TIPIN: variants seen among roughly 807,000 people sequenced by gnomAD.
TIPIN encodes TIMELESS interacting protein.
Under a neutral mutation model 35.6 loss-of-function variants are expected in TIPIN, and 29 were observed. That is an observed-to-expected ratio of 0.82 (90% CI 0.61 to 1.11). TIPIN has a LOEUF of 1.11. Among genes scored for constraint, TIPIN ranks in the 50% most tolerant of loss-of-function variants. TIPIN has a pLI of 0.00. For missense variants in TIPIN, 296 were observed against 345.4 expected (o/e 0.86, Z 1.13); for synonymous variants, 102 against 121.5 (o/e 0.84, Z 1.06).
intron 1 of TIPIN, among the ~76,000 whole-genome samples, chr15:66,383,332 G>A (rs776624069): frequency 4.3e-4 from 65 of 149,466 alleles, no homozygotes; most frequent in Non-Finnish European, 6.7e-4. Context: ...GAGTGATCTT[G>A]GCTCACTGTA....
chr15:66,381,390 A>G (rs111621365), intron 1 of TIPIN, among the ~76,000 whole-genome samples: 12,052 of 152,130 alleles, frequency 0.079, 1,522 homozygotes, highest in African/African-American at 0.27. Flanking sequence ...GTGAGCCCCA[A>G]TTGCGCCACG....
intron 1 of TIPIN, among the ~76,000 whole-genome samples, chr15:66,370,139 C>A (rs540631571): frequency 6.6e-6 from 1 of 152,118 alleles, no homozygotes; most frequent in Non-Finnish European, 1.5e-5. Context: ...CAGCTGCCCT[C>A]GAGGAAGCTG....
In TIPIN at chr15:66,349,799, G is replaced by A. The variant is rs62627301; in HGVS notation, c.289-362C>T. On this transcript the variant is annotated intron_variant, in intron 4 of 7. Coordinates refer to ENST00000261881, the MANE Select transcript of TIPIN (RefSeq NM_017858.3). Reference sequence around the variant, plus strand: ...GGTGGCTGAGGTGAAAGGACTCCCTGAGCCTGGGGGGCAGAGGTTGCAGTG... The same window carrying A: ...GGTGGCTGAGGTGAAAGGACTCCCTAAGCCTGGGGGGCAGAGGTTGCAGTG... Among the ~76,000 whole-genome samples, 352 of 152,140 alleles carry A rather than the reference G, an allele frequency of 2.3e-3. 1 individual carries two copies. Among genetic ancestry groups the A allele is most frequent in the Middle Eastern group, 0.01 (3 of 294 alleles).
chr15:66,375,217 G>T (rs374108416), intron 1 of TIPIN, among the ~76,000 whole-genome samples: 7 of 152,110 alleles, frequency 4.6e-5, no homozygotes, highest in Admixed American at 2.0e-4. Flanking sequence ...AGTTTCAGGT[G>T]GCAGTGCACT....
intron 6 of TIPIN, among the ~76,000 whole-genome samples, chr15:66,344,468 G>A (rs1205950404): frequency 6.6e-6 from 1 of 151,496 alleles, no homozygotes; most frequent in Admixed American, 6.6e-5. Context: ...TATGAACCAA[G>A]AAAACAAAGG....
chr15:66,379,952 T>C (rs1206596742), intron 1 of TIPIN: 1 of 1,028,170 alleles, frequency 9.7e-7, no homozygotes, highest in Admixed American at 2.5e-5. Context: ...TGGAATTTAT[T>C]ATAGGATAAA....
intron 1 of TIPIN, among the ~76,000 whole-genome samples, chr15:66,372,011 T>C (rs1041162870): frequency 1.3e-5 from 2 of 152,044 alleles, no homozygotes; most frequent in African/African-American, 4.8e-5. Context: ...CCCAGGCTGG[T>C]TTTGAACTCC....
In TIPIN at chr15:66,352,831, T is replaced by G; in HGVS notation, c.117A>C (p.Gly39=). The part of the protein sequence containing the change: ...PASPERQDGE[G]TEPDEESGNG... ...TATACATACCTTCATCAGGCTCAGTTCCTTCACCATCTTGTCTCTCTGGAG... is the reference window on the plus strand; with the variant it reads ...TATACATACCTTCATCAGGCTCAGTGCCTTCACCATCTTGTCTCTCTGGAG... The change falls in exon 2 of 8, where the codon GGA becomes GGC. Residue 39 remains glycine (G), a synonymous_variant. Transcript: ENST00000261881. The G allele has an allele frequency of 6.2e-7, 1 of 1,612,738 alleles. No individual in the cohort carries two copies. The highest frequency in any genetic ancestry group is 8.5e-7 in the Non-Finnish European group (1 of 1,179,832).
chr15:66,343,047 G>T (rs542111870), intron 6 of TIPIN, among the ~76,000 whole-genome samples: 45 of 152,268 alleles, frequency 3.0e-4, no homozygotes, highest in Admixed American at 2.4e-3. Context: ...ATTGTAAAAG[G>T]GTGGAGAATG....
intron 1 of TIPIN, among the ~76,000 whole-genome samples, chr15:66,369,691 T>C (rs1416628026): frequency 6.6e-6 from 1 of 152,230 alleles, no homozygotes; most frequent in Non-Finnish European, 1.5e-5. Context: ...CTATATGCCA[T>C]GCATAGTTCA....
rs1423075965 is a variant in TIPIN at position 66,354,295 on chromosome 15, A to C, written c.-8-1340T>G. Among the ~76,000 whole-genome samples the C allele has an allele frequency of 2.0e-5, 3 of 152,082 alleles. No homozygotes were observed. The East Asian group carries it at 5.8e-4, about 29-fold the overall frequency. ...AGCAGGTACAAAACCAAACTTCTAA[A>C]TTTTCCTAACTCATTAAATGACATC... On this transcript the variant is annotated intron_variant, in intron 1 of 7. Transcript: ENST00000261881.
At chr15:66,357,042 T>G (rs944192273), upstream of TIPIN, among the ~76,000 whole-genome samples, 1 of 152,012 alleles carries the variant, frequency 6.6e-6, no homozygotes, top group Non-Finnish European at 1.5e-5. Context: ...TCAGCCTCCC[T>G]TCCCCGACTA....
rs11631295 is a variant in TIPIN, at chr15:66,386,653, A to T, written c.-55T>A. 0.12 allele frequency: 20,826 copies of T among 176,038 alleles called. 1,332 individuals are homozygous for T. Among genetic ancestry groups the T allele is most frequent in the Non-Finnish European group, 0.15 (11,880 of 81,560 alleles). The allele number at this position is 176,038 out of a possible 1,614,324, so 10.9% of individuals were successfully genotyped here. A position where few individuals can be genotyped will look rare whatever the true frequency, so the allele number is the denominator to read the frequency against. On this transcript the variant is annotated 5_prime_UTR_variant, in exon 1 of 8. Transcript: ENST00000562124. ...GCACCTGGCCTGGAGAGCTCACCACACAGCGACACAGACTTCTTCTCAGCT... is the reference window on the plus strand; with the variant it reads ...GCACCTGGCCTGGAGAGCTCACCACTCAGCGACACAGACTTCTTCTCAGCT...
At chr15:66,377,482 A>G (rs2093301445) in intron 1 of TIPIN, among the ~76,000 whole-genome samples, 1 of 151,992 alleles carries the variant, frequency 6.6e-6, no homozygotes, top group Admixed American at 6.6e-5. Context: ...CTCCTGCCTC[A>G]GCCTCCTGAG....
At chr15:66,352,288 A>G in intron 2 of TIPIN, 81 bp from the exon 3 acceptor site, 8 of 1,139,672 alleles carry the variant, frequency 7.0e-6, no homozygotes, top group Non-Finnish European at 8.8e-6. Flanking sequence ...CAAGCTGATA[A>G]GATAACTAAA....
chr15:66,372,351 A>T (rs1489815074), intron 1 of TIPIN, among the ~76,000 whole-genome samples: 1 of 152,208 alleles, frequency 6.6e-6, no homozygotes, highest in African/African-American at 2.4e-5. Context: ...TCTAGCTTCT[A>T]CTCAACAGGA....
intron 1 of TIPIN, chr15:66,382,369 C>T: frequency 3.0e-6 from 3 of 985,136 alleles, no homozygotes; most frequent in Non-Finnish European, 3.6e-6. Context: ...GTTAAATGTA[C>T]TCCTCAATTC....
At chr15:66,383,582 A>G (rs1251934602) in intron 1 of TIPIN, 1 of 984,894 alleles carries the variant, frequency 1.0e-6, no homozygotes, top group Admixed American at 6.2e-5. Flanking sequence ...TTCACTTTTT[A>G]ATGTTTATTA....
At chr15:66,372,272 C>A (rs2093280401) in intron 1 of TIPIN, among the ~76,000 whole-genome samples, 1 of 152,214 alleles carries the variant, frequency 6.6e-6, no homozygotes, top group Middle Eastern at 3.2e-3. Flanking sequence ...CCAACTTCTA[C>A]CACCATAGAC....
Sources: gnomAD v4.1 joint callset for allele counts (sites outside exome capture counted in the v4.1 genomes callset) on GRCh38, gnomAD v4.1.1 for gene constraint, MANE v1.5 for transcripts, NCBI Gene and HGNC (gene_info 2026-07-23, HGNC 2026-07-21) for gene names.